PTPN1: variants seen among roughly 807,000 people sequenced by gnomAD.
PTPN1 encodes protein tyrosine phosphatase non-receptor type 1, also known as tyrosine-protein phosphatase non-receptor type 1.
In PTPN1, 12 loss-of-function variants were observed where a neutral mutation model predicts 59.9. The ratio of observed to expected loss-of-function variants is 0.20; its 90% CI spans 0.13 to 0.32. The LOEUF (loss-of-function observed/expected upper bound fraction) is 0.32. Ranked by LOEUF, PTPN1 falls within the 10% of genes least tolerant of loss-of-function variation. The pLI is 1.00. For synonymous variants in PTPN1, 178 were observed against 203.6 expected (o/e 0.87, Z 1.07); for missense variants, 356 against 549.2 (o/e 0.65, Z 3.52).
chr20:50,543,885 A>G (rs1271656760), intron 1 of PTPN1, among the ~76,000 whole-genome samples: 1 of 152,132 alleles, frequency 6.6e-6, no homozygotes, highest in Non-Finnish European at 1.5e-5. Context: ...TCACTCTGTC[A>G]CCCAGGCTGG....
At chr20:50,512,981 T>C (rs1403776012) in intron 1 of PTPN1, among the ~76,000 whole-genome samples, 1 of 152,236 alleles carries the variant, frequency 6.6e-6, no homozygotes, top group Non-Finnish European at 1.5e-5. Context: ...TAATTTTTGC[T>C]TACAACTTGG....
chr20:50,581,305 G>A lies in PTPN1; in HGVS notation c.1129G>A (p.Gly377Arg). The change falls in exon 9 of 10, where the codon GGA becomes AGA. Residue 377 changes from glycine (G) to arginine (R), a missense_variant. Gly to Arg is a moderately radical substitution (Grantham distance 125, BLOSUM62 -2). Coordinates refer to ENST00000371621, the MANE Select transcript of PTPN1 (RefSeq NM_002827.4). The stretch of plus-strand genomic sequence containing the variant: ...TGAAGTTAGAAGTCGGGTCGTGGGG[G>A]GAAGTCTTCGAGGTGCCCAGGCTGC... ...DTEVRSRVVG[G>R]SLRGAQAASP... 1 of 1,613,444 alleles carries A rather than the reference G, an allele frequency of 6.2e-7. No individual in the cohort carries two copies. Among genetic ancestry groups the A allele is most frequent in the Non-Finnish European group, 8.5e-7 (1 of 1,179,402 alleles).
intron 1 of PTPN1, among the ~76,000 whole-genome samples, chr20:50,524,222 G>A: frequency 6.6e-6 from 1 of 152,128 alleles, no homozygotes; most frequent in East Asian, 1.9e-4. Flanking sequence ...TCTTCTCCAG[G>A]AGGGTGATAT....
intron 1 of PTPN1, among the ~76,000 whole-genome samples, chr20:50,529,583 A>T (rs1405395989): frequency 6.6e-6 from 1 of 152,214 alleles, no homozygotes; most frequent in Non-Finnish European, 1.5e-5. Context: ...GTCTGAAACC[A>T]AATCATTGTT....
intron 4 of PTPN1, among the ~76,000 whole-genome samples, chr20:50,570,707 G>A (rs2082803938): frequency 6.6e-6 from 1 of 152,210 alleles, no homozygotes; most frequent in Non-Finnish European, 1.5e-5. Context: ...ACTTGGGCTG[G>A]ATCATTGTCT....
chr20:50,579,684 C>T lies in PTPN1; in HGVS notation c.865-19C>T, dbSNP rs2082855656. On this transcript the variant is annotated intron_variant, in intron 7 of 9. Transcript: ENST00000371621. Reference sequence around the variant, plus strand: ...CCGAAGTGAACACTAATAGGACTTCCTCTTGCTGCTCTTTCAAGGATCAGT... The same window carrying T: ...CCGAAGTGAACACTAATAGGACTTCTTCTTGCTGCTCTTTCAAGGATCAGT... 2 of 1,601,866 alleles carry T rather than the reference C, an allele frequency of 1.2e-6. No homozygotes were observed. Among genetic ancestry groups the T allele is most frequent in the South Asian group, 1.1e-5 (1 of 90,742 alleles).
At chr20:50,514,630 T>C (rs1337673364) in intron 1 of PTPN1, among the ~76,000 whole-genome samples, 1 of 152,146 alleles carries the variant, frequency 6.6e-6, no homozygotes, top group Non-Finnish European at 1.5e-5. Context: ...CCTCCTGAAG[T>C]TGGGATTGCA....
intron 1 of PTPN1, among the ~76,000 whole-genome samples, chr20:50,531,615 G>T (rs948821014): frequency 6.6e-6 from 1 of 152,190 alleles, no homozygotes; most frequent in Non-Finnish European, 1.5e-5. Context: ...GACCTCAGGT[G>T]ATCTGTCTGC....
intron 1 of PTPN1, among the ~76,000 whole-genome samples, chr20:50,545,144 T>C (rs1253758010): frequency 1.3e-5 from 2 of 152,208 alleles, no homozygotes; most frequent in East Asian, 3.8e-4. Flanking sequence ...ATTTATTTTA[T>C]TTATATTGCC....
chr20:50,569,087 G>T (rs2082793608), intron 4 of PTPN1, among the ~76,000 whole-genome samples: 1 of 152,154 alleles, frequency 6.6e-6, no homozygotes, highest in Admixed American at 6.5e-5. Context: ...TTGCATCTGG[G>T]TCTAGCCACC....
At chr20:50,537,862 A>G (rs1428298355) in intron 1 of PTPN1, among the ~76,000 whole-genome samples, 2 of 152,218 alleles carry the variant, frequency 1.3e-5, no homozygotes, top group Non-Finnish European at 2.9e-5. Flanking sequence ...AGCATCAGCA[A>G]TGTCTGAAAA....
At chr20:50,521,505 C>T (rs2082550726) in intron 1 of PTPN1, among the ~76,000 whole-genome samples, 1 of 152,252 alleles carries the variant, frequency 6.6e-6, no homozygotes, top group South Asian at 2.1e-4. Flanking sequence ...CACAATAGCA[C>T]TATGGCAGTG....
chr20:50,579,556 A>G, intron 7 of PTPN1, 147 bp from the exon 8 acceptor site: 1 of 912,552 alleles, frequency 1.1e-6, no homozygotes, highest in South Asian at 1.6e-5. Context: ...TTTATTTTCA[A>G]AAGATTTCAT....
At chr20:50,540,718 A>G (rs1013460746) in intron 1 of PTPN1, among the ~76,000 whole-genome samples, 11 of 152,204 alleles carry the variant, frequency 7.2e-5, no homozygotes, top group Non-Finnish European at 1.6e-4. Context: ...AGAGGTGCCC[A>G]TCAGCCTGCC....
rs775475623 is a variant in PTPN1 at position 50,581,517 on chromosome 20, C to T, written c.1284+57C>T. The stretch of plus-strand genomic sequence containing the variant: ...ATGCTCGTGTGCAGAGAGCACTGGC[C>T]GCTAGCCCGATGGTAGGATTCAGTT... On this transcript the variant is annotated intron_variant, in intron 9 of 9. Transcript: ENST00000371621. 252 of 1,524,800 alleles carry T rather than the reference C, an allele frequency of 1.7e-4. 1 individual carries two copies. Among genetic ancestry groups the T allele is most frequent in the Admixed American group, 3.4e-4 (18 of 52,642 alleles). The allele number at this position is 1,524,800 out of a possible 1,614,324, so 94.5% of individuals were successfully genotyped here.
At chr20:50,573,767 C>T (rs187214419) in intron 4 of PTPN1, 1 of 152,320 alleles carries the variant, frequency 6.6e-6, no homozygotes, top group East Asian at 1.9e-4. Context: ...GTAACTGAGG[C>T]AGAAACTTAG....
In PTPN1 at chr20:50,568,088, G is replaced by A. The variant is rs778613778; in HGVS notation, c.256-292G>A. On this transcript the variant is annotated intron_variant, in intron 3 of 9. Coordinates refer to ENST00000371621, the MANE Select transcript of PTPN1 (RefSeq NM_002827.4). The surrounding 1 kb of genome is among the most constrained non-coding windows in gnomAD (Gnocchi z 5.6). Reference sequence around the variant, plus strand: ...GGCCTTGGGGACGAATCTCAGTGGAGGCCCTTAGCGGGCCTGCCTGAGCCA... The same window carrying A: ...GGCCTTGGGGACGAATCTCAGTGGAAGCCCTTAGCGGGCCTGCCTGAGCCA... Among the ~76,000 whole-genome samples, 3 of 152,226 alleles carry A rather than the reference G, an allele frequency of 2.0e-5. No individual in the cohort carries two copies. Among genetic ancestry groups the A allele is most frequent in the Non-Finnish European group, 4.4e-5 (3 of 68,046 alleles).
chr20:50,582,495 G>A lies in PTPN1; in HGVS notation c.1285-197G>A, dbSNP rs575815950. Among the ~76,000 whole-genome samples the A allele has an allele frequency of 6.6e-6, 1 of 152,334 alleles. No individual in the cohort carries two copies. The highest frequency in any genetic ancestry group is 2.4e-5 in the African/African-American group (1 of 41,576). ...CAGGTGGCATCTGAGTACATCAGAT[G>A]GTTTTGCAAAATGCAAACAATTTTT... On this transcript the variant is annotated intron_variant, in intron 9 of 9. Transcript: ENST00000371621. The surrounding 1 kb of genome is among the most constrained non-coding windows in gnomAD (Gnocchi z 4.2).
intron 1 of PTPN1, among the ~76,000 whole-genome samples, chr20:50,552,228 A>G (rs940776299): frequency 3.3e-5 from 5 of 152,196 alleles, no homozygotes; most frequent in Non-Finnish European, 5.9e-5. Context: ...CTCAATTTTA[A>G]GACTCTAAGC....
Sources: gnomAD v4.1 joint callset for allele counts (sites outside exome capture counted in the v4.1 genomes callset) on GRCh38, gnomAD v4.1.1 for gene constraint, Gnocchi (gnomAD v3.1) non-coding constraint, MANE v1.5 for transcripts, NCBI Gene and HGNC (gene_info 2026-07-23, HGNC 2026-07-21) for gene names.